Variants in LTBP1 observed in about 807,000 individuals in gnomAD.
LTBP1 encodes latent-transforming growth factor beta-binding protein 1.
Under a neutral mutation model 207.6 loss-of-function variants are expected in LTBP1, and 129 were observed. The observed-to-expected ratio is 0.62, with a 90% CI of 0.54 to 0.72. LTBP1 has a LOEUF of 0.72. Among genes scored for constraint, LTBP1 ranks in the 30% least tolerant of loss-of-function variants. LTBP1 has a pLI of 0.00. For missense variants in LTBP1, 2,281 were observed against 2,217.2 expected (o/e 1.03, Z -0.58); for synonymous variants, 963 against 833.7 (o/e 1.16, Z -2.67).
At chr2:33,087,084 CTTTTT>C (rs35334788) in intron 3 of LTBP1, among the ~76,000 whole-genome samples, 3 of 89,026 alleles carry the variant, frequency 3.4e-5, no homozygotes, top group Non-Finnish European at 6.2e-5. Flanking sequence ...CTCCTTTATG[CTTTTT>C]TTTTTTTTTT....
At chr2:33,046,282 T>C (rs2076438052) in intron 3 of LTBP1, among the ~76,000 whole-genome samples, 1 of 152,160 alleles carries the variant, frequency 6.6e-6, no homozygotes, top group Non-Finnish European at 1.5e-5. Flanking sequence ...TTTGGAGATA[T>C]TTTCCATCAA....
At chr2:33,294,574 A>ATTT (rs1558962566) in intron 20 of LTBP1, among the ~76,000 whole-genome samples, 1 of 145,706 alleles carries the variant, frequency 6.9e-6, no homozygotes, top group African/African-American at 2.6e-5. Flanking sequence ...TATTGGGTAA[A>ATTT]ATTTTTTTTT....
At chr2:33,054,710 C>A (rs541590644) in intron 3 of LTBP1, among the ~76,000 whole-genome samples, 1 of 152,164 alleles carries the variant, frequency 6.6e-6, no homozygotes, top group East Asian at 1.9e-4. Context: ...GAGATTAACA[C>A]TGAGAAGGCC....
intron 7 of LTBP1, among the ~76,000 whole-genome samples, chr2:33,201,021 T>A (rs1370008419): frequency 6.6e-6 from 1 of 152,216 alleles, no homozygotes; most frequent in Non-Finnish European, 1.5e-5. Flanking sequence ...ACTTTTACAC[T>A]GTTGGTGGGA....
chr2:33,201,676 T>A (rs978550869), intron 7 of LTBP1, among the ~76,000 whole-genome samples: 1 of 151,936 alleles, frequency 6.6e-6, no homozygotes, highest in African/African-American at 2.4e-5. Context: ...AACTTCAAGA[T>A]TAAGGTCTTT....
intron 9 of LTBP1, among the ~76,000 whole-genome samples, chr2:33,229,565 A>C (rs2091668970): frequency 6.6e-6 from 1 of 152,254 alleles, no homozygotes; most frequent in African/African-American, 2.4e-5. Context: ...TAATGTTTTG[A>C]ATAATTTATA....
chr2:33,017,133 G>C (rs1688494743), intron 2 of LTBP1, among the ~76,000 whole-genome samples: 1 of 152,208 alleles, frequency 6.6e-6, no homozygotes, highest in African/African-American at 2.4e-5. Flanking sequence ...TTTTTGCATT[G>C]GCCATGAAGT....
intron 9 of LTBP1, among the ~76,000 whole-genome samples, chr2:33,238,116 G>T (rs1376084529): frequency 1.3e-5 from 2 of 152,052 alleles, no homozygotes; most frequent in Non-Finnish European, 2.9e-5. Flanking sequence ...TTTGTATTAA[G>T]AGGTATTTTT....
chr2:33,089,644 T>G (rs1021903412), intron 3 of LTBP1, among the ~76,000 whole-genome samples: 9 of 152,246 alleles, frequency 5.9e-5, no homozygotes, highest in African/African-American at 2.2e-4. Flanking sequence ...AATTGTGTCA[T>G]TATACACATC....
At chr2:33,363,691 A>AG (rs1331023909) in intron 29 of LTBP1, among the ~76,000 whole-genome samples, 173 bp downstream of exon 29, 2 of 152,298 alleles carry the variant, frequency 1.3e-5, no homozygotes, top group East Asian at 3.9e-4. Context: ...AAAAGAAAAA[A>AG]CCACCTCCAT....
chr2:33,282,797 G>T (rs1037349281), intron 19 of LTBP1, among the ~76,000 whole-genome samples: 1 of 152,166 alleles, frequency 6.6e-6, no homozygotes, highest in Non-Finnish European at 1.5e-5. Flanking sequence ...AGGCACGGTG[G>T]CTCACGCCTG....
chr2:33,219,058 G>T (rs1019941861), intron 8 of LTBP1, among the ~76,000 whole-genome samples: 3 of 151,920 alleles, frequency 2.0e-5, no homozygotes, highest in Non-Finnish European at 4.4e-5. Flanking sequence ...TCTCTCATTT[G>T]GACTTCTTTG....
intron 11 of LTBP1, among the ~76,000 whole-genome samples, chr2:33,256,671 T>C (rs1186124073): frequency 3.1e-5 from 4 of 127,532 alleles, no homozygotes; most frequent in Admixed American, 8.5e-5. Context: ...TAACCTAATA[T>C]GATATATAGT....
At chr2:33,008,068 T>G (rs1687169271) in intron 2 of LTBP1, among the ~76,000 whole-genome samples, 1 of 152,226 alleles carries the variant, frequency 6.6e-6, no homozygotes, top group Non-Finnish European at 1.5e-5. Context: ...AAGTTTCAGA[T>G]GTTGATTTGC....
At chr2:33,388,367 G>A (rs2095285837) in intron 31 of LTBP1, among the ~76,000 whole-genome samples, 1 of 152,174 alleles carries the variant, frequency 6.6e-6, no homozygotes, top group African/African-American at 2.4e-5. Context: ...TCATTGCAGG[G>A]GAGACAAATG....
chr2:33,326,515 A>G (rs967118478), intron 24 of LTBP1, among the ~76,000 whole-genome samples: 1 of 152,054 alleles, frequency 6.6e-6, no homozygotes, highest in Non-Finnish European at 1.5e-5. Flanking sequence ...AAAACAATCT[A>G]AACTGACTTC....
chr2:33,216,617 G>A (rs1439879979), intron 7 of LTBP1, among the ~76,000 whole-genome samples: 4 of 152,188 alleles, frequency 2.6e-5, no homozygotes, highest in Admixed American at 2.6e-4. Context: ...GGCTGAGGCA[G>A]AGAAAGGCAG....
Position 33,244,110 on chromosome 2 carries a change from A to G in LTBP1, c.1999+326A>G, listed in dbSNP as rs138807784. On this transcript the variant is annotated intron_variant, in intron 10 of 33. Transcript: ENST00000404816. ...ATCAAACTTTTTTGGTACCTGAGAGATGACAGTAAGTTTTTCCTTCATAAA... is the reference window on the plus strand; with the variant it reads ...ATCAAACTTTTTTGGTACCTGAGAGGTGACAGTAAGTTTTTCCTTCATAAA... Among the ~76,000 whole-genome samples, 404 of 152,362 alleles carry G rather than the reference A, an allele frequency of 2.7e-3. 4 individuals are homozygous for G. The highest frequency in any genetic ancestry group is 9.4e-3 in the African/African-American group (391 of 41,594).
intron 4 of LTBP1, among the ~76,000 whole-genome samples, chr2:33,118,189 G>GC (rs1296100686): frequency 2.6e-5 from 3 of 114,732 alleles, no homozygotes; most frequent in Non-Finnish European, 5.8e-5. Flanking sequence ...TAACTTGTGT[G>GC]CAAAAAAAAA....
Sources: allele counts gnomAD v4.1 joint callset (sites outside exome capture counted in the v4.1 genomes callset), GRCh38; gene constraint gnomAD v4.1.1; transcripts MANE v1.5; gene names NCBI Gene and HGNC (gene_info 2026-07-23, HGNC 2026-07-21).